The following CACNA2D1 variants were observed in gnomAD, a reference collection of about 807,000 sequenced individuals.
CACNA2D1 encodes the protein voltage-dependent calcium channel subunit alpha-2/delta-1.
A neutral mutation model predicts 171.5 loss-of-function variants in CACNA2D1; 53 were observed. The observed-to-expected ratio is 0.31, with a 90% confidence interval of 0.25 to 0.39. The LOEUF (loss-of-function observed/expected upper bound fraction) is 0.39, where lower values mean the gene tolerates loss of function less well. Among genes scored for constraint, CACNA2D1 ranks in the 10% least tolerant of loss-of-function variants. The pLI is 1.00. For missense variants in CACNA2D1, 903 were observed against 1,299.8 expected (o/e 0.69, Z 4.69); for synonymous variants, 442 against 443.1 (o/e 1.00, Z 0.03).
intron 3 of CACNA2D1, among the ~76,000 whole-genome samples, chr7:82,289,120 T>C (rs549247389): frequency 1.3e-4 from 20 of 152,182 alleles, no homozygotes; most frequent in African/African-American, 4.8e-4. Context: ...AAACAGAAAA[T>C]GAATGCTATT....
At chr7:81,989,612 T>C (rs1049275224) in intron 21 of CACNA2D1, among the ~76,000 whole-genome samples, 2 of 152,328 alleles carry the variant, frequency 1.3e-5, no homozygotes, top group African/African-American at 4.8e-5. Flanking sequence ...CAGCTACCGC[T>C]AAGGCCCACT....
At chr7:82,363,807 A>C (rs1563432115) in intron 1 of CACNA2D1, among the ~76,000 whole-genome samples, 1 of 152,210 alleles carries the variant, frequency 6.6e-6, no homozygotes, top group Non-Finnish European at 1.5e-5. Flanking sequence ...GCTTGGAGTT[A>C]ATGGATGGAC....
intron 1 of CACNA2D1, among the ~76,000 whole-genome samples, chr7:82,428,251 T>C (rs1829368404): frequency 6.6e-6 from 1 of 152,162 alleles, no homozygotes; most frequent in Non-Finnish European, 1.5e-5. Context: ...TCCATTTAAA[T>C]TATAGGAGAC....
intron 3 of CACNA2D1, among the ~76,000 whole-genome samples, chr7:82,274,481 G>A (rs1809059308): frequency 6.6e-6 from 1 of 152,156 alleles, no homozygotes; most frequent in South Asian, 2.1e-4. Flanking sequence ...GAGTCCTAGA[G>A]TGAATGCTTC....
intron 24 of CACNA2D1, among the ~76,000 whole-genome samples, chr7:81,975,417 T>C (rs1006900214): frequency 4.6e-5 from 7 of 152,318 alleles, no homozygotes; most frequent in African/African-American, 1.7e-4. Context: ...AAGACAAGCA[T>C]GTCTCTGCAA....
chr7:82,364,211 C>A (rs1821420137), intron 1 of CACNA2D1, among the ~76,000 whole-genome samples: 1 of 152,038 alleles, frequency 6.6e-6, no homozygotes, highest in Non-Finnish European at 1.5e-5. Flanking sequence ...TGATAGAGAC[C>A]TGTGTCAAAA....
chr7:82,066,306 A>G, intron 8 of CACNA2D1, 149 bp downstream of exon 8: 2 of 1,064,162 alleles, frequency 1.9e-6, no homozygotes, highest in Non-Finnish European at 2.7e-6. Context: ...ATTTTCATTT[A>G]CCTTTACCTA....
chr7:82,189,732 T>C (rs993379290), intron 3 of CACNA2D1, among the ~76,000 whole-genome samples: 3 of 151,634 alleles, frequency 2.0e-5, no homozygotes, highest in Non-Finnish European at 3.0e-5. Flanking sequence ...AAAGAATACA[T>C]AAGGGAGAAG....
At chr7:82,285,919 A>G (rs1246006515) in intron 3 of CACNA2D1, among the ~76,000 whole-genome samples, 1 of 152,152 alleles carries the variant, frequency 6.6e-6, no homozygotes, top group Non-Finnish European at 1.5e-5. Flanking sequence ...TTATTTGTAG[A>G]TCAATGATTA....
intron 38 of CACNA2D1, among the ~76,000 whole-genome samples, chr7:81,954,963 T>A (rs1048381574): frequency 1.3e-5 from 2 of 152,096 alleles, no homozygotes; most frequent in African/African-American, 4.8e-5. Flanking sequence ...GTAGTATATT[T>A]ATTCAACTCT....
chr7:82,396,459 T>C (rs1467725351), intron 1 of CACNA2D1, among the ~76,000 whole-genome samples: 1 of 152,232 alleles, frequency 6.6e-6, no homozygotes, highest in African/African-American at 2.4e-5. Flanking sequence ...AGGAGAATAT[T>C]TGGATAGTCT....
chr7:82,261,685 A>C (rs910855806), intron 3 of CACNA2D1, among the ~76,000 whole-genome samples: 4 of 152,196 alleles, frequency 2.6e-5, no homozygotes, highest in African/African-American at 9.6e-5. Context: ...GAAATGGATA[A>C]AAAATTTTCA....
chr7:82,201,411 A>T (rs1175727521), intron 3 of CACNA2D1, among the ~76,000 whole-genome samples: 2 of 152,232 alleles, frequency 1.3e-5, no homozygotes, highest in Non-Finnish European at 1.5e-5. Flanking sequence ...ACTTACAAAA[A>T]TACTTCAAAC....
chr7:82,168,070 T>A (rs1019841555), intron 4 of CACNA2D1, among the ~76,000 whole-genome samples: 36 of 152,186 alleles, frequency 2.4e-4, no homozygotes, highest in African/African-American at 8.7e-4. Context: ...TTCAAGATAA[T>A]TTTTTTCACT....
chr7:81,982,465 T>C, intron 24 of CACNA2D1, 102 bp downstream of exon 24: 2 of 748,858 alleles, frequency 2.7e-6, no homozygotes, highest in African/African-American at 1.7e-5. Flanking sequence ...GATTCCATAA[T>C]GTGATATGGA....
chr7:82,420,867 T>G (rs767649778), intron 1 of CACNA2D1, among the ~76,000 whole-genome samples: 10 of 152,094 alleles, frequency 6.6e-5, no homozygotes, highest in Non-Finnish European at 1.0e-4. Flanking sequence ...TTCTCTAACA[T>G]TGGTTGTTAT....
intron 5 of CACNA2D1, among the ~76,000 whole-genome samples, chr7:82,127,511 T>C (rs1475569142): frequency 1.3e-5 from 2 of 152,180 alleles, no homozygotes; most frequent in Non-Finnish European, 1.5e-5. Flanking sequence ...AACTAAATAT[T>C]ATTTCTACCT....
At chr7:82,199,997 CA>C (rs1563192813) in intron 3 of CACNA2D1, among the ~76,000 whole-genome samples, 1 of 152,016 alleles carries the variant, frequency 6.6e-6, no homozygotes, top group Non-Finnish European at 1.5e-5. Flanking sequence ...TGCATGGTTC[CA>C]TTTTATGAAG....
chr7:82,119,969 G>A (rs999492617), intron 5 of CACNA2D1, among the ~76,000 whole-genome samples: 2 of 152,090 alleles, frequency 1.3e-5, no homozygotes, highest in Non-Finnish European at 1.5e-5. Context: ...ATCACTTCAG[G>A]CCAGGAGTTC....
Sources: allele counts gnomAD v4.1 joint callset (sites outside exome capture counted in the v4.1 genomes callset), GRCh38; gene constraint gnomAD v4.1.1; transcripts MANE v1.5; gene names NCBI Gene and HGNC (gene_info 2026-07-23, HGNC 2026-07-21).